PCMTD1: variants seen among roughly 807,000 people sequenced by gnomAD.
The protein encoded by PCMTD1 is protein-L-isoaspartate (D-aspartate) O-methyltransferase domain containing 1, also known as protein-L-isoaspartate O-methyltransferase domain-containing protein 1.
Under a neutral mutation model 37.6 loss-of-function variants are expected in PCMTD1, and 12 were observed. The observed-to-expected ratio is 0.32, with a 90% confidence interval of 0.20 to 0.52. PCMTD1 has a LOEUF of 0.52. PCMTD1 is among the 20% of genes least tolerant of loss of function. The pLI is 0.97. For missense variants in PCMTD1, 235 were observed against 421.3 expected (o/e 0.56, Z 3.87); for synonymous variants, 117 against 135.8 (o/e 0.86, Z 0.96).
intron 1 of PCMTD1, among the ~76,000 whole-genome samples, chr8:51,897,993 G>A (rs898544962): frequency 1.3e-5 from 2 of 151,902 alleles, no homozygotes; most frequent in Non-Finnish European, 2.9e-5. Context: ...TGGCTACCCT[G>A]GGTAGTAAGA....
intron 2 of PCMTD1, among the ~76,000 whole-genome samples, chr8:51,859,873 T>C (rs1475104562): frequency 6.6e-6 from 1 of 151,892 alleles, no homozygotes; most frequent in Non-Finnish European, 1.5e-5. Flanking sequence ...ACCTCAACTA[T>C]AGTACCTATC....
chr8:51,888,335 G>A (rs1331693392), intron 1 of PCMTD1, among the ~76,000 whole-genome samples: 1 of 152,086 alleles, frequency 6.6e-6, no homozygotes, highest in Non-Finnish European at 1.5e-5. Flanking sequence ...CCTCAAGAGG[G>A]AGCATCCTTT....
chr8:51,850,151 C>T lies in PCMTD1; in HGVS notation c.308-4388G>A, dbSNP rs916856914. ...TCTTGGCTTCCAATCCCAATTCCTC[C>T]TAACTGTTGTATAATCTAAGACCAG... On this transcript the variant is annotated intron_variant, in intron 2 of 5. Transcript: ENST00000522514. The T allele has an allele frequency of 3.4e-5, 24 of 698,194 alleles. No homozygotes were observed. In the East Asian group the frequency reaches 5.9e-4, roughly 17 times the overall value. The allele number at this position is 698,194 out of a possible 1,614,324, so 43.2% of individuals were successfully genotyped here. A position where few individuals can be genotyped will look rare whatever the true frequency, so the allele number is the denominator to read the frequency against.
intron 1 of PCMTD1, among the ~76,000 whole-genome samples, chr8:51,897,203 C>T (rs2039015737): frequency 6.6e-6 from 1 of 152,192 alleles, no homozygotes; most frequent in South Asian, 2.1e-4. Context: ...TTAATAAATA[C>T]AAGCTAGTGA....
rs567400623 is a variant in PCMTD1 at position 51,871,042 on chromosome 8, T to TG, written c.-95-9797dup. On this transcript the variant is annotated intron_variant, in intron 1 of 5. Coordinates refer to ENST00000522514, the MANE Select transcript of PCMTD1 (RefSeq NM_052937.4). ...GAATATAAAGTTTCTAACATATAGC[T>TG]GGTCCAATAATACCAACTTTCTTTC... Among the ~76,000 whole-genome samples the TG allele has an allele frequency of 3.3e-3, 497 of 152,308 alleles. 1 individual carries two copies. Among genetic ancestry groups the TG allele is most frequent in the Middle Eastern group, 6.8e-3 (2 of 294 alleles).
chr8:51,881,168 C>G (rs1220026499), intron 1 of PCMTD1, among the ~76,000 whole-genome samples: 1 of 152,224 alleles, frequency 6.6e-6, no homozygotes, highest in Non-Finnish European at 1.5e-5. Context: ...AACTTCTGAT[C>G]ATGGAACAAG....
chr8:51,869,526 A>G (rs1384474499), intron 1 of PCMTD1, among the ~76,000 whole-genome samples: 1 of 152,094 alleles, frequency 6.6e-6, no homozygotes, highest in Non-Finnish European at 1.5e-5. Flanking sequence ...AGTTTTAGTT[A>G]TCTAGTAATG....
rs973690687 is a variant in PCMTD1, at chr8:51,818,060, A to C, written c.*2291T>G. The C allele has an allele frequency of 2.0e-5, 8 of 403,506 alleles. No individual in the cohort carries two copies. In the East Asian group the frequency reaches 4.5e-4, roughly 22 times the overall value. 25.0% of individuals were successfully genotyped at this position (403,506 alleles called of 1,614,324 possible). A position where few individuals can be genotyped will look rare whatever the true frequency, so the allele number is the denominator to read the frequency against. On this transcript the variant is annotated 3_prime_UTR_variant, in exon 6 of 6. Coordinates refer to ENST00000522514, the MANE Select transcript of PCMTD1 (RefSeq NM_052937.4). The stretch of plus-strand genomic sequence containing the variant: ...GCTACTTTTCCACCTATAAAGCGTA[A>C]TTTTCCATATCAAGTAAACATAAAT...
chr8:51,882,818 T>TAAAAAAAAAAAAA (rs34942203), intron 1 of PCMTD1, among the ~76,000 whole-genome samples: 1 of 137,568 alleles, frequency 7.3e-6, no homozygotes, highest in African/African-American at 2.7e-5. Context: ...ATAGCATACT[T>TAAAAAAAAAAAAA]AAAAAAAAAA....
rs1303299419 is a variant in PCMTD1, at chr8:51,864,467, T to C, written c.-95-3221A>G. Among the ~76,000 whole-genome samples, 4 of 152,318 alleles carry C rather than the reference T, an allele frequency of 2.6e-5. No individual in the cohort carries two copies. The East Asian group carries it at 7.7e-4, about 29-fold the overall frequency. On this transcript the variant is annotated intron_variant, in intron 1 of 5. Transcript: ENST00000522514. The stretch of plus-strand genomic sequence containing the variant: ...GTATTCCCCAGGATATATTATATGT[T>C]TGTCTACAAAATAAGTCTCTATGAA...
intron 1 of PCMTD1, among the ~76,000 whole-genome samples, chr8:51,876,348 G>A (rs935882844): frequency 3.9e-5 from 6 of 152,132 alleles, no homozygotes; most frequent in African/African-American, 1.4e-4. Flanking sequence ...GGAGGAGTCA[G>A]TGGGAAGTCA....
At chr8:51,831,769 G>A (rs558435267) in intron 4 of PCMTD1, among the ~76,000 whole-genome samples, 20 of 152,292 alleles carry the variant, frequency 1.3e-4, no homozygotes, top group Admixed American at 7.8e-4. Context: ...TAATACAGAT[G>A]TTTTAACGCA....
intron 1 of PCMTD1, among the ~76,000 whole-genome samples, chr8:51,897,708 T>A (rs2129297470): frequency 6.6e-6 from 1 of 152,316 alleles, no homozygotes; most frequent in South Asian, 2.1e-4. Flanking sequence ...TTGTAGCCCT[T>A]TTCAAAGCTA....
In PCMTD1 at chr8:51,818,409, CAAAAAAAA is replaced by C. The variant is rs35041148; in HGVS notation, c.*1934_*1941del. On this transcript the variant is annotated 3_prime_UTR_variant, in exon 6 of 6. Coordinates refer to ENST00000522514, the MANE Select transcript of PCMTD1 (RefSeq NM_052937.4). ...GCATCATCTAAACAGCAGCTCCAAC[CAAAAAAAA>C]AAAAAAAAACAAGCAGGGGAGATGG... 3 of 138,066 alleles carry C rather than the reference CAAAAAAAA, an allele frequency of 2.2e-5. No homozygotes were observed. The highest frequency in any genetic ancestry group is 3.1e-5 in the Non-Finnish European group (2 of 63,810). The allele number at this position is 138,066 out of a possible 1,614,324, so 8.6% of individuals were successfully genotyped here. A position where few individuals can be genotyped will look rare whatever the true frequency, so the allele number is the denominator to read the frequency against.
intron 2 of PCMTD1, chr8:51,848,918 AG>A (rs1365363564): frequency 6.7e-6 from 1 of 149,180 alleles, no homozygotes; most frequent in African/African-American, 2.4e-5. Context: ...TAAATTAAAA[AG>A]AAAAATGCAT....
intron 1 of PCMTD1, chr8:51,896,308 C>A (rs994444182): frequency 6.6e-6 from 1 of 152,240 alleles, no homozygotes; most frequent in Non-Finnish European, 1.5e-5. Context: ...GATTAATAAA[C>A]CATATTATGA....
intron 1 of PCMTD1, among the ~76,000 whole-genome samples, chr8:51,870,917 T>C (rs1279569640): frequency 6.6e-6 from 1 of 152,188 alleles, no homozygotes; most frequent in African/African-American, 2.4e-5. Flanking sequence ...TTATTGGTCG[T>C]GCAGCCTCAG....
rs184135580 is a variant in PCMTD1 at position 51,894,678 on chromosome 8, T to C, written c.-96+4252A>G. Among the ~76,000 whole-genome samples, 47 of 152,220 alleles carry C rather than the reference T, an allele frequency of 3.1e-4. No homozygotes were observed. In the East Asian group the frequency reaches 8.1e-3, roughly 26 times the overall value. ...TACATTTAGGACAATTAATAAGCAG[T>C]ATTCACAATGAATGACAAACCTAGA... On this transcript the variant is annotated intron_variant, in intron 1 of 5. Coordinates refer to ENST00000522514, the MANE Select transcript of PCMTD1 (RefSeq NM_052937.4).
At chr8:51,890,397 T>C (rs185936323) in intron 1 of PCMTD1, among the ~76,000 whole-genome samples, 426 of 152,314 alleles carry the variant, frequency 2.8e-3, no homozygotes, top group Non-Finnish European at 4.1e-3. Context: ...CAGTTGAGTA[T>C]GAAGACTGAC....
Sources: allele counts gnomAD v4.1 joint callset (sites outside exome capture counted in the v4.1 genomes callset), GRCh38; gene constraint gnomAD v4.1.1; transcripts MANE v1.5; gene names NCBI Gene and HGNC (gene_info 2026-07-23, HGNC 2026-07-21).